CNBD1: variants seen among roughly 807,000 people sequenced by gnomAD.
CNBD1 encodes cyclic nucleotide binding domain containing 1, also known as cyclic nucleotide-binding domain-containing protein 1.
Under a neutral mutation model 54.4 loss-of-function variants are expected in CNBD1, and 71 were observed. The ratio of observed to expected loss-of-function variants is 1.30; its 90% confidence interval spans 1.08 to 1.59. CNBD1 has a LOEUF of 1.59. Among genes scored for constraint, CNBD1 ranks in the 40% most tolerant of loss-of-function variants. The pLI, the probability that CNBD1 is intolerant of heterozygous loss-of-function variation, is 0.00. For missense variants in CNBD1, 659 were observed against 518.0 expected, an observed-to-expected ratio of 1.27 and a Z score of -2.64; for synonymous variants, 182 against 170.7, an observed-to-expected ratio of 1.07 and a Z score of -0.51.
chr8:87,237,317 A>G (rs978616930), intron 6 of CNBD1: 2 of 376,364 alleles, frequency 5.3e-6, no homozygotes, highest in African/African-American at 4.2e-5. Flanking sequence ...GCATCTGACC[A>G]CTGGCAGGGT....
intron 1 of CNBD1, among the ~76,000 whole-genome samples, chr8:86,882,788 A>G (rs960438169): frequency 6.6e-6 from 1 of 152,228 alleles, no homozygotes; most frequent in Non-Finnish European, 1.5e-5. Flanking sequence ...CATCAATGAT[A>G]GACTGGGTAA....
At chr8:87,335,291 A>T (rs1809921392) in intron 8 of CNBD1, among the ~76,000 whole-genome samples, 1 of 152,044 alleles carries the variant, frequency 6.6e-6, no homozygotes, top group Admixed American at 6.6e-5. Context: ...TCTGTCTAAT[A>T]TTGACAGTGG....
intron 2 of CNBD1, among the ~76,000 whole-genome samples, chr8:87,394,124 G>C (rs377362000): frequency 1.3e-5 from 2 of 151,790 alleles, no homozygotes; most frequent in South Asian, 4.1e-4. Flanking sequence ...TTGATAGGGC[G>C]TAACAATCAC....
intron 4 of CNBD1, among the ~76,000 whole-genome samples, chr8:87,068,093 T>C (rs183345535): frequency 2.3e-4 from 35 of 152,176 alleles, no homozygotes; most frequent in African/African-American, 7.5e-4. Flanking sequence ...TCTTTCAGTA[T>C]TTAATTGCTT....
At chr8:87,274,505 A>G (rs1201063227) in intron 6 of CNBD1, among the ~76,000 whole-genome samples, 6 of 148,484 alleles carry the variant, frequency 4.0e-5, no homozygotes, top group Non-Finnish European at 7.4e-5. Flanking sequence ...TTTGATTTGC[A>G]TTTCTCTGAT....
At chr8:87,359,794 T>C (rs1810492457) in intron 10 of CNBD1, among the ~76,000 whole-genome samples, 1 of 152,062 alleles carries the variant, frequency 6.6e-6, no homozygotes, top group Non-Finnish European at 1.5e-5. Flanking sequence ...TGTTATGTCA[T>C]CTTGCTATCA....
intron 8 of CNBD1, among the ~76,000 whole-genome samples, chr8:87,327,155 G>T (rs1410935023): frequency 1.3e-4 from 19 of 141,216 alleles, no homozygotes; most frequent in African/African-American, 3.2e-4. Context: ...GAGGCAGTCT[G>T]CCCGTTCTCA....
intron 4 of CNBD1, among the ~76,000 whole-genome samples, chr8:87,161,154 TTCCTGGGATATGG>T (rs1306122251): frequency 6.6e-6 from 1 of 152,122 alleles, no homozygotes; most frequent in African/African-American, 2.4e-5. Context: ...GCTCTGTCAT[TTCCTGGGATATGG>T]TCCTGGAGTC....
chr8:87,371,755 G>T (rs1250751833), intron 10 of CNBD1, among the ~76,000 whole-genome samples: 10 of 151,938 alleles, frequency 6.6e-5, no homozygotes, highest in Admixed American at 6.6e-4. Context: ...TATCTCAATA[G>T]ATGCAGAAAA....
chr8:87,092,882 C>T (rs1435545326), intron 4 of CNBD1, among the ~76,000 whole-genome samples: 1 of 152,028 alleles, frequency 6.6e-6, no homozygotes, highest in Non-Finnish European at 1.5e-5. Flanking sequence ...AAACTTAGCT[C>T]ATGAACTCTC....
At chr8:87,070,147 G>A (rs914245110) in intron 4 of CNBD1, among the ~76,000 whole-genome samples, 1 of 152,044 alleles carries the variant, frequency 6.6e-6, no homozygotes, top group East Asian at 1.9e-4. Flanking sequence ...GTCCTGGTGA[G>A]GAAAGATCCT....
intron 4 of CNBD1, among the ~76,000 whole-genome samples, chr8:87,043,752 T>G (rs1810122824): frequency 6.6e-6 from 1 of 152,192 alleles, no homozygotes; most frequent in East Asian, 1.9e-4. Context: ...TCTCTGCCAG[T>G]CCCCGGTTAA....
At chr8:87,279,540 A>G (rs1393868904) in intron 6 of CNBD1, among the ~76,000 whole-genome samples, 2 of 151,414 alleles carry the variant, frequency 1.3e-5, no homozygotes, top group East Asian at 1.9e-4. Context: ...CAGATAAACC[A>G]GATTATACTA....
At chr8:86,977,259 C>A (rs1372607775) in intron 4 of CNBD1, among the ~76,000 whole-genome samples, 1 of 10,272 alleles carries the variant, frequency 9.7e-5, no homozygotes, top group Non-Finnish European at 1.5e-4. Context: ...CTTTCTCAGG[C>A]TATGCCATTA....
Position 87,035,105 on chromosome 8 carries a change from C to G in CNBD1, c.431+95351C>G, listed in dbSNP as rs148528756. On this transcript the variant is annotated intron_variant, in intron 4 of 10. Coordinates refer to ENST00000518476, the MANE Select transcript of CNBD1 (RefSeq NM_173538.3). Reference sequence around the variant, plus strand: ...TAAATATTATTTTATTGTCTTTTGGCAAGATATGTTTGAAACCAGACTAGT... The same window carrying G: ...TAAATATTATTTTATTGTCTTTTGGGAAGATATGTTTGAAACCAGACTAGT... 4.8e-3 allele frequency among the ~76,000 whole-genome samples: 725 copies of G among 152,150 alleles called. 7 individuals are homozygous for G. Among genetic ancestry groups the G allele is most frequent in the East Asian group, 0.035 (181 of 5,188 alleles).
chr8:87,250,767 G>GA (rs965263519), intron 6 of CNBD1, among the ~76,000 whole-genome samples: 2 of 152,012 alleles, frequency 1.3e-5, no homozygotes, highest in South Asian at 2.1e-4. Context: ...GGGAGCTTAA[G>GA]AAAAAAAACT....
chr8:87,217,345 CATAAGGGGATACAG>C (rs1814234680), intron 5 of CNBD1, among the ~76,000 whole-genome samples: 2 of 151,930 alleles, frequency 1.3e-5, no homozygotes, highest in Non-Finnish European at 2.9e-5. Context: ...GTTTTGTACC[CATAAGGGGATACAG>C]TTTTATCCCC....
chr8:87,424,061 T>C (rs1287379739), intron 2 of CNBD1, among the ~76,000 whole-genome samples: 7 of 152,166 alleles, frequency 4.6e-5, no homozygotes, highest in Non-Finnish European at 7.4e-5. Flanking sequence ...AGTTTATTTG[T>C]GTAGAAGTGT....
At chr8:87,019,254 A>T (rs1460199854) in intron 4 of CNBD1, among the ~76,000 whole-genome samples, 1 of 152,064 alleles carries the variant, frequency 6.6e-6, no homozygotes, top group African/African-American at 2.4e-5. Context: ...ACAATAGTTT[A>T]AAAAAGTCAC....
Sources: gnomAD v4.1 joint callset for allele counts (sites outside exome capture counted in the v4.1 genomes callset) on GRCh38, gnomAD v4.1.1 for gene constraint, MANE v1.5 for transcripts, NCBI Gene and HGNC (gene_info 2026-07-23, HGNC 2026-07-21) for gene names.